NXPE1: variants seen among roughly 807,000 people sequenced by gnomAD.
NXPE1 encodes the protein NXPE family member 1.
In NXPE1, 31 loss-of-function variants were observed where a neutral mutation model predicts 33.3. The ratio of observed to expected loss-of-function variants is 0.93; its 90% CI spans 0.70 to 1.26. The LOEUF is 1.26. Ranked by LOEUF, NXPE1 falls within the 50% of genes most tolerant of loss-of-function variation. NXPE1 has a pLI of 0.00. For missense variants in NXPE1, 661 were observed against 655.6 expected, an observed-to-expected ratio of 1.01 and a Z score of -0.09; for synonymous variants, 229 against 231.4, an observed-to-expected ratio of 0.99 and a Z score of 0.09.
intron 8 of NXPE1, 48 bp from the exon 9 acceptor site, chr11:114,522,551 A>G: frequency 7.0e-7 from 1 of 1,432,924 alleles, no homozygotes; most frequent in Non-Finnish European, 9.4e-7. Flanking sequence ...AATGGTTAAT[A>G]TTCATGAAAA....
At chr11:114,522,146 C>A (rs1947228927) in exon 9 of NXPE1, 1 of 1,613,872 alleles carries the variant, frequency 6.2e-7, no homozygotes, top group Non-Finnish European at 8.5e-7. Context: ...GTCTCCAAAC[C>A]TCTCTGTCTC....
chr11:114,537,680 A>G (rs1325572413), intron 5 of NXPE1, among the ~76,000 whole-genome samples: 1 of 152,170 alleles, frequency 6.6e-6, no homozygotes, highest in African/African-American at 2.4e-5. Context: ...TCCCATTCAC[A>G]ATTGCTTCAA....
chr11:114,530,277 C>T (rs1326349872), exon 6 of NXPE1: 1 of 1,614,212 alleles, frequency 6.2e-7, no homozygotes, highest in Non-Finnish European at 8.5e-7. Flanking sequence ...AGGCTTCATA[C>T]AATAGAAGGC....
In NXPE1 at chr11:114,551,452, A is replaced by G. The variant is rs1591304108; in HGVS notation, c.-69-11T>C. 8 of 1,233,454 alleles carry G rather than the reference A, an allele frequency of 6.5e-6. No homozygotes were observed. Among genetic ancestry groups the G allele is most frequent in the African/African-American group, 6.1e-5 (4 of 65,076 alleles). 76.4% of individuals were successfully genotyped at this position (1,233,454 alleles called of 1,614,324 possible). On this transcript the variant is annotated splice_polypyrimidine_tract_variant and intron_variant, in intron 3 of 8. Transcript: ENST00000534921. ...CCTCCTTCCAGGACCCTGAAATGGA[A>G]GTCAAAGTCACCTTATAGGTTCTCT...
At chr11:114,533,317 T>C (rs1380774321) in intron 5 of NXPE1, among the ~76,000 whole-genome samples, 1 of 152,138 alleles carries the variant, frequency 6.6e-6, no homozygotes, top group Non-Finnish European at 1.5e-5. Flanking sequence ...GGAGCCAAGA[T>C]GGCAGAATAA....
At chr11:114,533,294 A>T (rs371878063) in intron 5 of NXPE1, among the ~76,000 whole-genome samples, 22 of 152,220 alleles carry the variant, frequency 1.4e-4, no homozygotes, top group Non-Finnish European at 4.4e-5. Flanking sequence ...TAGACAATAC[A>T]TTCGAGCGGG....
At chr11:114,524,235 A>G (rs1395254584) in intron 7 of NXPE1, among the ~76,000 whole-genome samples, 3 of 151,264 alleles carry the variant, frequency 2.0e-5, no homozygotes, top group Admixed American at 6.6e-5. Context: ...CATGGCCACA[A>G]CTAGATATAA....
At chr11:114,537,105 G>T (rs1365433449) in intron 5 of NXPE1, among the ~76,000 whole-genome samples, 1 of 152,122 alleles carries the variant, frequency 6.6e-6, no homozygotes, top group Non-Finnish European at 1.5e-5. Context: ...CTTCAACCCT[G>T]GGATGCAAGG....
At chr11:114,524,176 A>T (rs1246868338) in intron 7 of NXPE1, among the ~76,000 whole-genome samples, 2 of 152,188 alleles carry the variant, frequency 1.3e-5, no homozygotes, top group East Asian at 3.9e-4. Context: ...TTTTGCTTTT[A>T]AAGCATGACC....
In NXPE1 at chr11:114,521,846, C is replaced by T. The variant is rs1215063909; in HGVS notation, c.*122G>A. On this transcript the variant is annotated 3_prime_UTR_variant, in exon 9 of 9. Coordinates refer to ENST00000534921, the Ensembl canonical transcript of NXPE1. ...TCATTGTCCTTACATAGCCTTCCTC[C>T]CCAAACAGATTCTTTTAAATTTATT... The T allele has an allele frequency of 5.3e-6, 4 of 758,246 alleles. No homozygotes were observed. The South Asian group carries it at 5.9e-5, about 11-fold the overall frequency. The allele number at this position is 758,246 out of a possible 1,614,324, so 47.0% of individuals were successfully genotyped here.
At chr11:114,556,552 G>A (rs1948652015) in intron 1 of NXPE1, among the ~76,000 whole-genome samples, 1 of 151,898 alleles carries the variant, frequency 6.6e-6, no homozygotes. Context: ...GCTTTGCACA[G>A]TACACACTGA....
intron 5 of NXPE1, among the ~76,000 whole-genome samples, chr11:114,536,025 G>C (rs1316244850): frequency 1.3e-5 from 2 of 152,116 alleles, no homozygotes; most frequent in African/African-American, 2.4e-5. Flanking sequence ...TGACCACATA[G>C]TTGGAAGTAA....
chr11:114,556,293 A>C (rs1948646081), intron 1 of NXPE1, among the ~76,000 whole-genome samples: 1 of 152,216 alleles, frequency 6.6e-6, no homozygotes, highest in South Asian at 2.1e-4. Flanking sequence ...CAAAACCTAC[A>C]AACTCTGTTT....
downstream of NXPE1, among the ~76,000 whole-genome samples, chr11:114,519,441 A>G (rs554998287): frequency 2.6e-5 from 4 of 152,312 alleles, no homozygotes; most frequent in African/African-American, 9.6e-5. Flanking sequence ...AAGAAGCAAA[A>G]CTTAGTCTCT....
chr11:114,554,150 A>G (rs1347871383), intron 1 of NXPE1: 2 of 985,334 alleles, frequency 2.0e-6, no homozygotes, highest in Non-Finnish European at 2.4e-6. Context: ...GGATTGAATC[A>G]ATGTACAGAG....
At chr11:114,522,409 A>G (rs755550578) in exon 9 of NXPE1, 17 of 1,614,042 alleles carry the variant, frequency 1.1e-5, no homozygotes, top group Non-Finnish European at 1.4e-5. Flanking sequence ...AGGGATAGCT[A>G]TGTTTTTTCC....
intron 5 of NXPE1, among the ~76,000 whole-genome samples, chr11:114,539,218 G>T (rs9734942): frequency 0.23 from 34,144 of 150,088 alleles, 5,421 homozygotes; most frequent in African/African-American, 0.44. Flanking sequence ...TCACTCATAG[G>T]TGGGAATTGA....
intron 1 of NXPE1, among the ~76,000 whole-genome samples, chr11:114,559,101 G>A (rs1948719937): frequency 6.6e-6 from 1 of 152,154 alleles, no homozygotes; most frequent in African/African-American, 2.4e-5. Context: ...ACATTTTTAT[G>A]TAAATTAAAA....
At chr11:114,542,492 A>G (rs936929941) in intron 5 of NXPE1, among the ~76,000 whole-genome samples, 2 of 152,198 alleles carry the variant, frequency 1.3e-5, no homozygotes, top group Admixed American at 6.5e-5. Flanking sequence ...TTATGCTTAC[A>G]AGGAATAGAG....
Sources: allele counts gnomAD v4.1 joint callset (sites outside exome capture counted in the v4.1 genomes callset), GRCh38; gene constraint gnomAD v4.1.1; transcripts MANE v1.5; gene names NCBI Gene and HGNC (gene_info 2026-07-23, HGNC 2026-07-21).